The following IKBKB-DT variants were observed in gnomAD, a reference collection of about 807,000 sequenced individuals.
The protein encoded by IKBKB-DT is IKBKB antisense RNA.
intron 3 of IKBKB-DT, among the ~76,000 whole-genome samples, chr8:42,258,812 G>C (rs1341232567): frequency 1.3e-5 from 2 of 151,790 alleles, no homozygotes; most frequent in Non-Finnish European, 2.9e-5. Context: ...TATTTTCCTT[G>C]CATACAAGTT....
At chr8:42,256,419 A>T (rs1438163319) in intron 3 of IKBKB-DT, among the ~76,000 whole-genome samples, 1 of 151,680 alleles carries the variant, frequency 6.6e-6, no homozygotes, top group Non-Finnish European at 1.5e-5. Flanking sequence ...AAAAAAAAAA[A>T]AAAATAGCTG....
chr8:42,243,829 T>G (rs530696283), intron 3 of IKBKB-DT, among the ~76,000 whole-genome samples: 6 of 152,280 alleles, frequency 3.9e-5, no homozygotes, highest in Non-Finnish European at 7.3e-5. Flanking sequence ...TAAGTTCATT[T>G]ATTGGGTCGC....
At chr8:42,258,114 C>T (rs190232695) in intron 3 of IKBKB-DT, among the ~76,000 whole-genome samples, 94 of 152,098 alleles carry the variant, frequency 6.2e-4, no homozygotes, top group African/African-American at 2.2e-3. Context: ...AAACGTTCCA[C>T]AGTATTTTAT....
At chr8:42,236,794 CTTAG>C (rs1469047963) in intron 3 of IKBKB-DT, among the ~76,000 whole-genome samples, 1 of 152,152 alleles carries the variant, frequency 6.6e-6, no homozygotes, top group Non-Finnish European at 1.5e-5. Context: ...TGAAACAATA[CTTAG>C]TTATCCATAT....
At chr8:42,266,279 T>C (rs1171674851) in exon 2 of IKBKB-DT, 2 of 152,426 alleles carry the variant, frequency 1.3e-5, no homozygotes, top group Non-Finnish European at 2.9e-5. Context: ...CCATCCTCTG[T>C]GGTCTGCCTT....
chr8:42,247,465 C>T (rs1307382056), intron 3 of IKBKB-DT, among the ~76,000 whole-genome samples: 1 of 152,122 alleles, frequency 6.6e-6, no homozygotes, highest in Non-Finnish European at 1.5e-5. Context: ...CTTGCCTAAT[C>T]TCAGATGAGA....
intron 3 of IKBKB-DT, among the ~76,000 whole-genome samples, chr8:42,236,297 G>C (rs1273049560): frequency 6.6e-6 from 1 of 151,686 alleles, no homozygotes; most frequent in African/African-American, 2.4e-5. Context: ...CACTGTGCCT[G>C]GCTACTTCTT....
chr8:42,251,969 A>G (rs1243460254), intron 3 of IKBKB-DT, among the ~76,000 whole-genome samples: 2 of 152,184 alleles, frequency 1.3e-5, no homozygotes, highest in Non-Finnish European at 2.9e-5. Context: ...AGGCAGACTG[A>G]GAGCCTGTAA....
chr8:42,238,446 G>A (rs10090148), intron 3 of IKBKB-DT, among the ~76,000 whole-genome samples: 8,027 of 152,222 alleles, frequency 0.053, 680 homozygotes, highest in African/African-American at 0.18. Context: ...TCCTTGTTCA[G>A]GGACTGAAAG....
At chr8:42,258,333 GAC>G (rs1196563551) in intron 3 of IKBKB-DT, among the ~76,000 whole-genome samples, 2 of 151,932 alleles carry the variant, frequency 1.3e-5, no homozygotes, top group Non-Finnish European at 2.9e-5. Flanking sequence ...TTTGTTTTGA[GAC>G]AGTCTTGCTA....
At chr8:42,233,873 TGA>T (rs1429356343) in intron 3 of IKBKB-DT, 1 of 152,112 alleles carries the variant, frequency 6.6e-6, no homozygotes, top group Non-Finnish European at 1.5e-5. Flanking sequence ...CAAGATAAGA[TGA>T]GTCAGTTTAT....
chr8:42,256,871 C>T (rs1229460454), intron 3 of IKBKB-DT, among the ~76,000 whole-genome samples: 1 of 152,108 alleles, frequency 6.6e-6, no homozygotes, highest in African/African-American at 2.4e-5. Flanking sequence ...ACCACATAAG[C>T]ATGGTGGTTC....
chr8:42,238,998 G>T (rs1370296312), intron 3 of IKBKB-DT, among the ~76,000 whole-genome samples: 1 of 152,112 alleles, frequency 6.6e-6, no homozygotes, highest in East Asian at 1.9e-4. Context: ...CTGTCTCTGT[G>T]AATTGGTTTT....
intron 1 of IKBKB-DT, chr8:42,270,311 C>T (rs1563282033): frequency 6.6e-6 from 1 of 152,092 alleles, no homozygotes; most frequent in Non-Finnish European, 1.5e-5. Context: ...CTGGGCAACA[C>T]AGTGAGTGAG....
chr8:42,260,012 GAA>G (rs1217672810), intron 3 of IKBKB-DT, among the ~76,000 whole-genome samples: 2 of 150,736 alleles, frequency 1.3e-5, no homozygotes, highest in African/African-American at 2.4e-5. Flanking sequence ...AAAAGAGAGA[GAA>G]AAGAGAGAGA....
intron 3 of IKBKB-DT, among the ~76,000 whole-genome samples, chr8:42,258,018 C>CTGATA (rs1807230184): frequency 6.6e-6 from 1 of 150,564 alleles, no homozygotes; most frequent in Admixed American, 6.6e-5. Context: ...ACATGAAACA[C>CTGATA]AGGAAATTAT....
chr8:42,250,625 G>A (rs2976698), intron 3 of IKBKB-DT, among the ~76,000 whole-genome samples: 3 of 152,242 alleles, frequency 2.0e-5, no homozygotes, highest in Admixed American at 1.3e-4. Flanking sequence ...GAAGGCCAAA[G>A]ACAGGGCCGG....
chr8:42,248,398 C>T (rs1488584146), intron 3 of IKBKB-DT, among the ~76,000 whole-genome samples: 4 of 151,944 alleles, frequency 2.6e-5, no homozygotes, highest in Non-Finnish European at 5.9e-5. Context: ...GTTGTTCTGG[C>T]CATTTTTGCC....
At chr8:42,250,441 T>C (rs1162485987) in intron 3 of IKBKB-DT, among the ~76,000 whole-genome samples, 1 of 151,806 alleles carries the variant, frequency 6.6e-6, no homozygotes, top group Non-Finnish European at 1.5e-5. Flanking sequence ...CTGCCAATCA[T>C]TTACATCTAC....
Sources: gnomAD v4.1 joint callset for allele counts (sites outside exome capture counted in the v4.1 genomes callset) on GRCh38, gnomAD v4.1.1 for gene constraint, MANE v1.5 for transcripts, NCBI Gene and HGNC (gene_info 2026-07-23, HGNC 2026-07-21) for gene names.